The following CPNE2 variants were observed in gnomAD, a reference collection of about 807,000 sequenced individuals.
CPNE2 encodes the protein copine 2, also known as copine-2.
In CPNE2, 42 loss-of-function variants were observed where a neutral mutation model predicts 69.7. The ratio of observed to expected loss-of-function variants is 0.60; its 90% CI spans 0.47 to 0.78. CPNE2 has a LOEUF of 0.78. Ranked by LOEUF, CPNE2 falls within the 30% of genes least tolerant of loss-of-function variation. The pLI, the probability that CPNE2 is intolerant of heterozygous loss-of-function variation, is 0.00. For synonymous variants in CPNE2, 294 were observed against 289.8 expected (o/e 1.01, Z -0.15); for missense variants, 587 against 732.0 (o/e 0.80, Z 2.29).
intron 1 of CPNE2, among the ~76,000 whole-genome samples, chr16:57,097,961 AG>A (rs2069588644): frequency 6.6e-6 from 1 of 152,058 alleles, no homozygotes; most frequent in African/African-American, 2.4e-5. Flanking sequence ...GTGGCAGGAG[AG>A]GACAAAACCC....
intron 1 of CPNE2, chr16:57,094,140 G>A (rs1379047091): frequency 2.2e-6 from 1 of 453,982 alleles, no homozygotes; most frequent in Non-Finnish European, 4.4e-6. Context: ...GGGTCACCCA[G>A]GCAGGTTTCT....
chr16:57,117,175 T>G lies in CPNE2; in HGVS notation c.436-321T>G, dbSNP rs537401394. Reference sequence around the variant, plus strand: ...GGAGAAGGCCGGTCATGCTGCTCTCTGGGCCAGAACCTCTCCCCGGGACTC... The same window carrying G: ...GGAGAAGGCCGGTCATGCTGCTCTCGGGGCCAGAACCTCTCCCCGGGACTC... On this transcript the variant is annotated intron_variant, in intron 4 of 15. Transcript: ENST00000290776. 2.6e-5 allele frequency among the ~76,000 whole-genome samples: 4 copies of G among 152,244 alleles called. No homozygotes were observed. In the South Asian group the frequency reaches 8.3e-4, roughly 32 times the overall value.
intron 11 of CPNE2, 83 bp from the exon 12 acceptor site, chr16:57,127,766 G>A (rs1293435431): frequency 2.2e-6 from 3 of 1,351,322 alleles, no homozygotes; most frequent in Admixed American, 1.8e-5. Context: ...AGTGTATGAG[G>A]CAGAGTGGGC....
intron 10 of CPNE2, chr16:57,125,273 C>A: frequency 2.2e-6 from 1 of 456,078 alleles, no homozygotes; most frequent in Non-Finnish European, 4.4e-6. Context: ...TCTGCTGTTC[C>A]CAGCCCTGGG....
chr16:57,122,451 G>A (rs1178277839), intron 9 of CPNE2, among the ~76,000 whole-genome samples: 6 of 152,204 alleles, frequency 3.9e-5, no homozygotes, highest in African/African-American at 1.2e-4. Context: ...AAAGCACTCC[G>A]TTAAAGGTCA....
At chr16:57,138,712 G>A (rs1424619496) in intron 14 of CPNE2, among the ~76,000 whole-genome samples, 3 of 152,142 alleles carry the variant, frequency 2.0e-5, no homozygotes, top group Admixed American at 6.5e-5. Flanking sequence ...GATGATGGTC[G>A]GCAATGTCTA....
intron 1 of CPNE2, chr16:57,094,151 C>G: frequency 1.3e-5 from 6 of 452,462 alleles, no homozygotes; most frequent in South Asian, 7.8e-5. Context: ...GCAGGTTTCT[C>G]CATGGAAAGA....
chr16:57,117,048 T>C (rs1219004512), intron 4 of CPNE2, among the ~76,000 whole-genome samples: 3 of 152,056 alleles, frequency 2.0e-5, no homozygotes, highest in African/African-American at 7.2e-5. Flanking sequence ...ACTCAGTTTC[T>C]CCCCTGGGCC....
chr16:57,113,659 A>C (rs1404724184), intron 3 of CPNE2, among the ~76,000 whole-genome samples, 192 bp downstream of exon 3: 1 of 152,252 alleles, frequency 6.6e-6, no homozygotes, highest in African/African-American at 2.4e-5. Flanking sequence ...GCAGCCAAAC[A>C]GAATGCCTCT....
chr16:57,119,518 C>G, intron 6 of CPNE2, 43 bp from the exon 7 acceptor site: 1 of 1,538,400 alleles, frequency 6.5e-7, no homozygotes, highest in Non-Finnish European at 8.9e-7. Flanking sequence ...CAGAGCACTG[C>G]TGCCCAGGGC....
At chr16:57,132,712 C>A (rs1030343660) in intron 12 of CPNE2, among the ~76,000 whole-genome samples, 1 of 152,136 alleles carries the variant, frequency 6.6e-6, no homozygotes, top group Non-Finnish European at 1.5e-5. Context: ...ACCAGGGCAA[C>A]CAGTATGGGA....
intron 12 of CPNE2, among the ~76,000 whole-genome samples, chr16:57,129,494 G>C (rs1020088689): frequency 1.3e-5 from 2 of 152,186 alleles, no homozygotes; most frequent in Non-Finnish European, 2.9e-5. Flanking sequence ...GGCTCAGCAG[G>C]GGAGATGGTA....
intron 13 of CPNE2, among the ~76,000 whole-genome samples, chr16:57,136,465 G>T (rs1370341918): frequency 6.6e-6 from 1 of 152,216 alleles, no homozygotes; most frequent in East Asian, 1.9e-4. Context: ...TGGTCTCAAA[G>T]CATCACTGCA....
rs2279407 is a variant in CPNE2, at chr16:57,146,246, C to A, written c.1464C>A (p.Arg488=). 60,086 of 1,559,244 alleles carry A rather than the reference C, an allele frequency of 0.039. 2,770 individuals are homozygous for A. The highest frequency in any genetic ancestry group is 0.22 in the East Asian group (8,952 of 41,554). The change falls in exon 15 of 16, where the codon CGC becomes CGA. Residue 488 remains arginine (R), a synonymous_variant. Transcript: ENST00000290776. This position sits in a 1 kb window ranked among gnomAD's most constrained non-coding sequence, Gnocchi z 4.4. ...AAMEFLDGDS[R]MLRSHTGEEA... ...TGGAGTTCCTGGATGGGGACAGCCG[C>A]ATGCTGCGCTCCCACACGGGGGAGG...
At chr16:57,114,934 CAAAAAAAAA>C (rs55845635) in intron 3 of CPNE2, among the ~76,000 whole-genome samples, 17 of 39,070 alleles carry the variant, frequency 4.4e-4, no homozygotes, top group South Asian at 1.2e-3. Context: ...TTGTCTCTAC[CAAAAAAAAA>C]AAAAAAAAAA....
chr16:57,117,533 C>A lies in CPNE2; in HGVS notation c.473C>A (p.Thr158Lys), dbSNP rs1567668233. The change falls in exon 5 of 16, where the codon ACA (threonine) becomes AAA (lysine). Residue 158 changes from threonine to lysine, a missense_variant. Coordinates refer to ENST00000290776, the MANE Select transcript of CPNE2 (RefSeq NM_152727.6). ...GAGCTGTCCGACAACCGCGTCATCA[C>A]ACTAAGCCTGGCGGGCAGGAGGCTG... Reference protein sequence around the residue: ...AQELSDNRVITLSLAGRRLDK... With the variant: ...AQELSDNRVIKLSLAGRRLDK... 3 of 1,613,884 alleles carry A rather than the reference C, an allele frequency of 1.9e-6. No homozygotes were observed. The African/African-American group carries it at 4.0e-5, about 22-fold the overall frequency.
chr16:57,125,563 T>C (rs2069794637), intron 10 of CPNE2: 1 of 440,482 alleles, frequency 2.3e-6, no homozygotes, highest in African/African-American at 2.0e-5. Flanking sequence ...TGGGAACAGA[T>C]GAATGTGTGG....
chr16:57,124,330 C>G (rs1224562981), intron 10 of CPNE2: 5 of 451,594 alleles, frequency 1.1e-5, no homozygotes, highest in Non-Finnish European at 2.2e-5. Flanking sequence ...GATCTGCCCA[C>G]CTTGGCCTCT....
chr16:57,114,640 C>T (rs1284876710), intron 3 of CPNE2, among the ~76,000 whole-genome samples: 1 of 152,120 alleles, frequency 6.6e-6, no homozygotes, highest in Non-Finnish European at 1.5e-5. Flanking sequence ...CTGCACAGGA[C>T]GACGCTCGCA....
Sources: gnomAD v4.1 joint callset for allele counts (sites outside exome capture counted in the v4.1 genomes callset) on GRCh38, gnomAD v4.1.1 for gene constraint, Gnocchi (gnomAD v3.1) non-coding constraint, MANE v1.5 for transcripts, NCBI Gene and HGNC (gene_info 2026-07-23, HGNC 2026-07-21) for gene names.